NET1: variants seen among roughly 807,000 people sequenced by gnomAD.
NET1 encodes neuroepithelial cell transforming 1.
Under a neutral mutation model 61.1 loss-of-function variants are expected in NET1, and 42 were observed. The observed-to-expected ratio is 0.69, with a 90% CI of 0.54 to 0.89. NET1 has a LOEUF of 0.89. Ranked by LOEUF, NET1 falls within the 40% of genes least tolerant of loss-of-function variation. NET1 has a pLI of 0.00. For synonymous variants in NET1, 254 were observed against 281.8 expected, an observed-to-expected ratio of 0.90 and a Z score of 0.99; for missense variants, 654 against 747.3, an observed-to-expected ratio of 0.88 and a Z score of 1.46.
chr10:5,456,684 A>G lies in NET1; in HGVS notation c.1481A>G (p.Asn494Ser). The change falls in exon 12 of 12, where the codon AAC becomes AGC. Residue 494 changes from asparagine to serine, a missense_variant. Transcript: ENST00000355029. The surrounding 1 kb of genome is among the most constrained non-coding windows in gnomAD (Gnocchi z 7.0). ...NDVFHKQQWFNCIRAAIAPFQ... is the reference protein window; with the variant it reads ...NDVFHKQQWFSCIRAAIAPFQ... ...GTGTTCCACAAGCAGCAGTGGTTCA[A>G]CTGTATTCGAGCGGCCATTGCCCCC... 1 of 1,614,012 alleles carries G rather than the reference A, an allele frequency of 6.2e-7. No individual in the cohort carries two copies. Among genetic ancestry groups the G allele is most frequent in the African/African-American group, 1.3e-5 (1 of 74,986 alleles).
At chr10:5,425,040 G>T (rs140041818) in intron 1 of NET1, among the ~76,000 whole-genome samples, 2 of 152,332 alleles carry the variant, frequency 1.3e-5, no homozygotes, top group Admixed American at 1.3e-4. Flanking sequence ...GGCCTTTCAT[G>T]ATGCTTTAGC....
Position 5,451,753 on chromosome 10 carries a change from G to A in NET1, c.256-77G>A, listed in dbSNP as rs190982077. 139 of 1,088,504 alleles carry A rather than the reference G, an allele frequency of 1.3e-4. No homozygotes were observed. The highest frequency in any genetic ancestry group is 2.1e-4 in the Admixed American group (10 of 47,602). The allele number at this position is 1,088,504 out of a possible 1,614,324, so 67.4% of individuals were successfully genotyped here. A position where few individuals can be genotyped will look rare whatever the true frequency, so the allele number is the denominator to read the frequency against. On this transcript the variant is annotated intron_variant, in intron 3 of 11. Transcript: ENST00000355029. The surrounding 1 kb of genome is among the most constrained non-coding windows in gnomAD (Gnocchi z 6.1). ...ATGTACAAAAATTGTTTTGTGAGAG[G>A]GCTTTACTTTGTCCAAGTTTGTATG...
At chr10:5,430,903 G>A (rs1250668822) in intron 3 of NET1, among the ~76,000 whole-genome samples, 20 of 139,112 alleles carry the variant, frequency 1.4e-4, no homozygotes, top group East Asian at 6.4e-4. Flanking sequence ...ACAGAGTCTC[G>A]CTCTTTTGCC....
In NET1 at chr10:5,447,591, T is replaced by A. The variant is rs1219132397; in HGVS notation, c.256-4239T>A. Among the ~76,000 whole-genome samples, 1 of 152,226 alleles carries A rather than the reference T, an allele frequency of 6.6e-6. No individual in the cohort carries two copies. Among genetic ancestry groups the A allele is most frequent in the Non-Finnish European group, 1.5e-5 (1 of 68,038 alleles). On this transcript the variant is annotated intron_variant, in intron 3 of 11. Transcript: ENST00000355029. The surrounding 1 kb of genome is among the most constrained non-coding windows in gnomAD (Gnocchi z 4.1). ...ACTGTGTATCTCTTGATTGTGGTAG[T>A]GGTTTCCGTCTCTATACACACGTCA...
At chr10:5,436,212 G>GAA (rs1235515365) in intron 3 of NET1, among the ~76,000 whole-genome samples, 2 of 76,004 alleles carry the variant, frequency 2.6e-5, no homozygotes, top group Non-Finnish European at 5.0e-5. Flanking sequence ...GTGTGTGTGT[G>GAA]TGTGTGTGTG....
At chr10:5,438,143 AG>A (rs1832467360) in intron 3 of NET1, among the ~76,000 whole-genome samples, 1 of 152,216 alleles carries the variant, frequency 6.6e-6, no homozygotes, top group African/African-American at 2.4e-5. Flanking sequence ...TACATTAGAA[AG>A]TAAGAAATAT....
chr10:5,453,314 G>T lies in NET1; in HGVS notation c.659G>T (p.Gly220Val). The change falls in exon 7 of 12, where the codon GGT becomes GTT. Residue 220 changes from glycine to valine, a missense_variant. Gly to Val is a moderately radical substitution (Grantham distance 109). Transcript: ENST00000355029. The surrounding 1 kb of genome is among the most constrained non-coding windows in gnomAD (Gnocchi z 4.9). Reference sequence around the variant, plus strand: ...GAAGAGGAACTCACACATATATTTGGTGATCTGGACTCTTACATACCTCTG... The same window carrying T: ...GAAGAGGAACTCACACATATATTTGTTGATCTGGACTCTTACATACCTCTG... ...MSEEELTHIF[G>V]DLDSYIPLHE... 6.2e-7 allele frequency: 1 copy of T among 1,612,876 alleles called. No individual in the cohort carries two copies. Among genetic ancestry groups the T allele is most frequent in the Non-Finnish European group, 8.5e-7 (1 of 1,178,926 alleles).
chr10:5,453,517 C>A lies in NET1; in HGVS notation c.725C>A (p.Pro242His). 1 of 1,614,094 alleles carries A rather than the reference C, an allele frequency of 6.2e-7. No homozygotes were observed. Among genetic ancestry groups the A allele is most frequent in the South Asian group, 1.1e-5 (1 of 91,078 alleles). Residue 242 changes from proline to histidine, a missense_variant, in exon 8 of 12, where the codon CCT becomes CAT. Transcript: ENST00000355029. This position sits in a 1 kb window ranked among gnomAD's most constrained non-coding sequence, Gnocchi z 4.9. ...LLTRIGEATK[P>H]DGTVEQIGHI... Reference sequence around the variant, plus strand: ...ACAAGAATAGGAGAAGCAACCAAGCCTGATGGAACAGTGGAGCAGATTGGT... The same window carrying A: ...ACAAGAATAGGAGAAGCAACCAAGCATGATGGAACAGTGGAGCAGATTGGT...
chr10:5,428,915 G>A (rs1832303719), intron 2 of NET1, among the ~76,000 whole-genome samples: 1 of 141,182 alleles, frequency 7.1e-6, no homozygotes, highest in Non-Finnish European at 1.5e-5. Flanking sequence ...TGGATTTTTA[G>A]TAGAGACAGG....
rs1564466153 is a variant in NET1, at chr10:5,447,101, G to A, written c.256-4729G>A. Among the ~76,000 whole-genome samples the A allele has an allele frequency of 6.6e-6, 1 of 152,192 alleles. No homozygotes were observed. Among genetic ancestry groups the A allele is most frequent in the African/African-American group, 2.4e-5 (1 of 41,446 alleles). ...TATAAAAAAGGAAAAGATTTTAAATGTATATGTTACTCGGGTTACGTTTGT... is the reference window on the plus strand; with the variant it reads ...TATAAAAAAGGAAAAGATTTTAAATATATATGTTACTCGGGTTACGTTTGT... On this transcript the variant is annotated intron_variant, in intron 3 of 11. Coordinates refer to ENST00000355029, the MANE Select transcript of NET1 (RefSeq NM_001047160.3). The surrounding 1 kb of genome is among the most constrained non-coding windows in gnomAD (Gnocchi z 4.1).
In NET1 at chr10:5,431,615, A is replaced by G. The variant is rs760235901; in HGVS notation, c.255+2386A>G. ...TGAAGTTCTGATTTATAATAAAAGCAGAACAAGTGCTTGATTCTTTTCCTT... is the reference window on the plus strand; with the variant it reads ...TGAAGTTCTGATTTATAATAAAAGCGGAACAAGTGCTTGATTCTTTTCCTT... On this transcript the variant is annotated intron_variant, in intron 3 of 11. Coordinates refer to ENST00000355029, the MANE Select transcript of NET1 (RefSeq NM_001047160.3). The surrounding 1 kb of genome is among the most constrained non-coding windows in gnomAD (Gnocchi z 4.9). Among the ~76,000 whole-genome samples, 3 of 152,186 alleles carry G rather than the reference A, an allele frequency of 2.0e-5. No homozygotes were observed. Among genetic ancestry groups the G allele is most frequent in the Non-Finnish European group, 4.4e-5 (3 of 68,022 alleles).
rs909135222 is a variant in NET1, at chr10:5,424,010, A to G, written c.129-2645A>G. ...AGAATTTTATCATATGATTGGAAAT[A>G]TTTTTCCAGTTAACCTTTTAAAAAT... On this transcript the variant is annotated intron_variant, in intron 1 of 11. Coordinates refer to ENST00000355029, the MANE Select transcript of NET1 (RefSeq NM_001047160.3). The surrounding 1 kb of genome is among the most constrained non-coding windows in gnomAD (Gnocchi z 6.1). Among the ~76,000 whole-genome samples, 22 of 152,066 alleles carry G rather than the reference A, an allele frequency of 1.4e-4. No individual in the cohort carries two copies. Among genetic ancestry groups the G allele is most frequent in the African/African-American group, 5.3e-4 (22 of 41,396 alleles).
At position 5,412,826 on chromosome 10, in the gene NET1, T is replaced by C; in HGVS notation, c.128+6T>C. 1.5e-6 allele frequency: 2 copies of C among 1,339,080 alleles called. No homozygotes were observed. Among genetic ancestry groups the C allele is most frequent in the Non-Finnish European group, 9.5e-7 (1 of 1,048,320 alleles). The allele number at this position is 1,339,080 out of a possible 1,614,324, so 82.9% of individuals were successfully genotyped here. The stretch of plus-strand genomic sequence containing the variant: ...GGGTCGGAGCTGGACGGGAGGTGAG[T>C]GTGGGGGAGGGGAGGGCCGAACGGG... On this transcript the variant is annotated splice_donor_region_variant and intron_variant, in intron 1 of 11. Coordinates refer to ENST00000355029, the MANE Select transcript of NET1 (RefSeq NM_001047160.3). This position sits in a 1 kb window ranked among gnomAD's most constrained non-coding sequence, Gnocchi z 6.5.
In NET1 at chr10:5,420,424, T is replaced by C. The variant is rs531360479; in HGVS notation, c.129-6231T>C. ...TTTGGTATGTTGTATAAGATGTATT[T>C]GGGATTTTAGGTTGTTTGTTGATAC... is the stretch of plus-strand genomic sequence containing the variant. On this transcript the variant is annotated intron_variant, in intron 1 of 11. Coordinates refer to ENST00000355029, the MANE Select transcript of NET1 (RefSeq NM_001047160.3). The surrounding 1 kb of genome is among the most constrained non-coding windows in gnomAD (Gnocchi z 5.3). 3.9e-5 allele frequency among the ~76,000 whole-genome samples: 6 copies of C among 152,284 alleles called. No homozygotes were observed. The highest frequency in any genetic ancestry group is 8.8e-5 in the Non-Finnish European group (6 of 68,024).
At chr10:5,433,680 T>C (rs181900909) in intron 3 of NET1, among the ~76,000 whole-genome samples, 2 of 152,334 alleles carry the variant, frequency 1.3e-5, no homozygotes, top group Admixed American at 1.3e-4. Context: ...TTCAAAGTCA[T>C]AATAAATGTG....
chr10:5,452,337 G>A lies in NET1; in HGVS notation c.364-21G>A. The stretch of plus-strand genomic sequence containing the variant: ...TCTTCCAAATCTTATTTTCTCTTTT[G>A]TTCACCTTTTCTTTTTTAAGTCATT... On this transcript the variant is annotated intron_variant, in intron 4 of 11. Transcript: ENST00000355029. This position sits in a 1 kb window ranked among gnomAD's most constrained non-coding sequence, Gnocchi z 4.0. 6.5e-7 allele frequency: 1 copy of A among 1,527,534 alleles called. No individual in the cohort carries two copies. The allele number at this position is 1,527,534 out of a possible 1,614,324, so 94.6% of individuals were successfully genotyped here.
chr10:5,444,355 C>G lies in NET1; in HGVS notation c.256-7475C>G, dbSNP rs1832571776. Among the ~76,000 whole-genome samples the G allele has an allele frequency of 6.6e-6, 1 of 152,196 alleles. No homozygotes were observed. The highest frequency in any genetic ancestry group is 2.1e-4 in the South Asian group (1 of 4,826). On this transcript the variant is annotated intron_variant, in intron 3 of 11. Transcript: ENST00000355029. The surrounding 1 kb of genome is among the most constrained non-coding windows in gnomAD (Gnocchi z 5.3). ...TGGTGGTCCTTCCTGCAAGAAGTAGCAACTCTCCTGCAAACCTTAGGCAAT... is the reference window on the plus strand; with the variant it reads ...TGGTGGTCCTTCCTGCAAGAAGTAGGAACTCTCCTGCAAACCTTAGGCAAT...
rs529596800 is a variant in NET1, at chr10:5,431,167, G to A, written c.255+1938G>A. Among the ~76,000 whole-genome samples the A allele has an allele frequency of 5.9e-5, 9 of 152,248 alleles. No individual in the cohort carries two copies. The highest frequency in any genetic ancestry group is 4.1e-4 in the South Asian group (2 of 4,824). On this transcript the variant is annotated intron_variant, in intron 3 of 11. Coordinates refer to ENST00000355029, the MANE Select transcript of NET1 (RefSeq NM_001047160.3). This position sits in a 1 kb window ranked among gnomAD's most constrained non-coding sequence, Gnocchi z 4.9. ...ATTACAGGCGTGAGCCACCGCGCCC[G>A]GCCTTAACTATATCTCTTAAGTCTC...
chr10:5,456,738 T>G lies in NET1; in HGVS notation c.1535T>G (p.Leu512Arg). Residue 512 changes from leucine to arginine, a missense_variant, in exon 12 of 12, where the codon CTG becomes CGG. Physicochemically the swap from Leu to Arg is moderately radical, Grantham distance 102 (BLOSUM62 -2). Coordinates refer to ENST00000355029, the MANE Select transcript of NET1 (RefSeq NM_001047160.3). This position sits in a 1 kb window ranked among gnomAD's most constrained non-coding sequence, Gnocchi z 7.0. ...CAGTCGGCAGGCAGTCCACCTGAGC[T>G]GCAGGGCCTGCCGGAGCTGCACGAA... The part of the protein sequence containing the change: ...PFQSAGSPPE[L>R]QGLPELHEEC... The G allele has an allele frequency of 1.2e-6, 2 of 1,614,178 alleles. No homozygotes were observed. The highest frequency in any genetic ancestry group is 1.7e-6 in the Non-Finnish European group (2 of 1,180,014).
Sources: gnomAD v4.1 joint callset for allele counts (sites outside exome capture counted in the v4.1 genomes callset) on GRCh38, gnomAD v4.1.1 for gene constraint, Gnocchi (gnomAD v3.1) non-coding constraint, MANE v1.5 for transcripts, NCBI Gene and HGNC (gene_info 2026-07-23, HGNC 2026-07-21) for gene names.